FBXW4: variants seen among roughly 807,000 people sequenced by gnomAD.
FBXW4 encodes F-box/WD repeat-containing protein 4.
A neutral mutation model predicts 61.8 loss-of-function variants in FBXW4; 40 were observed. The observed-to-expected ratio is 0.65, with a 90% CI of 0.50 to 0.84. The LOEUF (loss-of-function observed/expected upper bound fraction) is 0.84. FBXW4 is among the 40% of genes least tolerant of loss of function. The pLI is 0.00. For synonymous variants in FBXW4, 311 were observed against 313.8 expected (o/e 0.99, Z 0.10); for missense variants, 672 against 753.8 (o/e 0.89, Z 1.27).
At chr10:101,681,354 C>CTCCA (rs2064472490) in intron 1 of FBXW4, among the ~76,000 whole-genome samples, 1 of 149,728 alleles carries the variant, frequency 6.7e-6, no homozygotes, top group Non-Finnish European at 1.5e-5. Context: ...CACCATTGCA[C>CTCCA]TCCAGCCTGG....
At chr10:101,682,366 G>A (rs2064487405) in intron 1 of FBXW4, among the ~76,000 whole-genome samples, 1 of 151,978 alleles carries the variant, frequency 6.6e-6, no homozygotes, top group South Asian at 2.1e-4. Context: ...GACTACTGCT[G>A]AGGACAGTAA....
At chr10:101,674,962 C>G (rs925768611) in intron 2 of FBXW4, among the ~76,000 whole-genome samples, 6 of 152,210 alleles carry the variant, frequency 3.9e-5, no homozygotes, top group Non-Finnish European at 5.9e-5. Context: ...AGCACAGGGA[C>G]AGCTGACTCA....
At chr10:101,640,010 C>T (rs950240078) in intron 5 of FBXW4, among the ~76,000 whole-genome samples, 1 of 152,210 alleles carries the variant, frequency 6.6e-6, no homozygotes, top group African/African-American at 2.4e-5. Flanking sequence ...CTCGGCTTCT[C>T]ACCCAACTGA....
At chr10:101,629,718 C>T (rs957155540) in intron 5 of FBXW4, among the ~76,000 whole-genome samples, 6 of 151,774 alleles carry the variant, frequency 4.0e-5, no homozygotes, top group Non-Finnish European at 7.4e-5. Context: ...AGTTATTATA[C>T]CACCCCTCGC....
In FBXW4 at chr10:101,694,844, C is replaced by G; in HGVS notation, c.262G>C (p.Gly88Arg). Residue 88 changes from glycine to arginine, a missense_variant, in exon 1 of 9, where the codon GGC becomes CGC. By Grantham distance (125) the Gly-to-Arg change is moderately radical. Transcript: ENST00000331272. The surrounding 1 kb of genome is among the most constrained non-coding windows in gnomAD (Gnocchi z 6.0). Reference sequence around the variant, plus strand: ...CTCGCCCCTTCCTCCACGCTTCTGCCTCCCTCTGCTTCCTCCCTTGGGCAT... The same window carrying G: ...CTCGCCCCTTCCTCCACGCTTCTGCGTCCCTCTGCTTCCTCCCTTGGGCAT... ...RACPREEAEG[G>R]RSVEEGARGI... 7.0e-6 allele frequency: 9 copies of G among 1,289,200 alleles called. No homozygotes were observed. Among genetic ancestry groups the G allele is most frequent in the Non-Finnish European group, 8.8e-6 (9 of 1,021,110 alleles). 79.9% of individuals were successfully genotyped at this position (1,289,200 alleles called of 1,614,324 possible). A position where few individuals can be genotyped will look rare whatever the true frequency, so the allele number is the denominator to read the frequency against.
intron 6 of FBXW4, among the ~76,000 whole-genome samples, chr10:101,615,977 T>A (rs1401178656): frequency 6.6e-6 from 1 of 152,196 alleles, no homozygotes; most frequent in Admixed American, 6.5e-5. Context: ...CAGCTCAGCA[T>A]GTCCGTGGCT....
intron 1 of FBXW4, among the ~76,000 whole-genome samples, chr10:101,682,153 T>C (rs1350254048): frequency 6.6e-6 from 1 of 152,272 alleles, no homozygotes; most frequent in Non-Finnish European, 1.5e-5. Context: ...AATGTGACTC[T>C]AATAATCATT....
At chr10:101,625,444 G>A (rs1185554766) in intron 5 of FBXW4, 1 of 152,560 alleles carries the variant, frequency 6.6e-6, no homozygotes, top group Non-Finnish European at 1.5e-5. Flanking sequence ...TCTGGAGAGT[G>A]GGATGGGAGT....
At chr10:101,622,041 T>C (rs61272692) in intron 6 of FBXW4, among the ~76,000 whole-genome samples, 1,644 of 152,214 alleles carry the variant, frequency 0.011, 24 homozygotes, top group African/African-American at 0.038. Flanking sequence ...CCCATCCCTG[T>C]TCTTGGATGA....
chr10:101,619,576 G>A (rs1002169440), intron 6 of FBXW4, among the ~76,000 whole-genome samples: 5 of 151,780 alleles, frequency 3.3e-5, no homozygotes, highest in Non-Finnish European at 7.4e-5. Flanking sequence ...GGAGGATGGC[G>A]TGAACCCGGG....
upstream of FBXW4, chr10:101,695,281 G>T (rs1204275503): frequency 2.4e-6 from 2 of 828,500 alleles, no homozygotes; most frequent in African/African-American, 3.7e-5. The surrounding 1 kb of genome is among the most constrained non-coding windows in gnomAD (Gnocchi z 4.2). Context: ...CTGGGGCCGG[G>T]GCGCTGACAC....
chr10:101,654,104 A>G (rs554229289), intron 5 of FBXW4, among the ~76,000 whole-genome samples: 1 of 138,888 alleles, frequency 7.2e-6, no homozygotes, highest in East Asian at 2.1e-4. Context: ...CCGGCGACAG[A>G]GCGAGACTCC....
chr10:101,663,636 C>CAA (rs201279739), intron 5 of FBXW4, among the ~76,000 whole-genome samples: 20 of 135,052 alleles, frequency 1.5e-4, no homozygotes, highest in African/African-American at 2.2e-4. Context: ...GACCCTGTCT[C>CAA]AAAAAAAAAA....
chr10:101,638,693 G>T (rs1181228379), intron 5 of FBXW4, among the ~76,000 whole-genome samples: 1 of 152,176 alleles, frequency 6.6e-6, no homozygotes, highest in African/African-American at 2.4e-5. Flanking sequence ...TTACCTGAAA[G>T]ATGTGTTGCA....
At chr10:101,676,277 T>C in intron 2 of FBXW4, 64 bp downstream of exon 2, 5 of 1,442,796 alleles carry the variant, frequency 3.5e-6, no homozygotes, top group Non-Finnish European at 1.9e-6. Context: ...TAGGACCAGA[T>C]TTTTTACTTT....
At chr10:101,623,000 G>A (rs1051630314) in intron 6 of FBXW4, 3 of 152,068 alleles carry the variant, frequency 2.0e-5, no homozygotes, top group East Asian at 1.9e-4. Flanking sequence ...ATGAACAGAC[G>A]TTTCGCCAAA....
intron 5 of FBXW4, among the ~76,000 whole-genome samples, chr10:101,636,395 C>CG (rs1259995582): frequency 2.9e-5 from 4 of 140,198 alleles, no homozygotes; most frequent in Non-Finnish European, 6.2e-5. Context: ...AACAAAACAA[C>CG]GGAAAAAAAA....
At chr10:101,618,228 AGAGG>A (rs2063840733) in intron 6 of FBXW4, among the ~76,000 whole-genome samples, 2 of 152,372 alleles carry the variant, frequency 1.3e-5, no homozygotes, top group Admixed American at 1.3e-4. Flanking sequence ...TTCCCAGCTC[AGAGG>A]GAGAGTTCTA....
At chr10:101,670,660 C>T (rs2064350605) in intron 4 of FBXW4, among the ~76,000 whole-genome samples, 1 of 152,162 alleles carries the variant, frequency 6.6e-6, no homozygotes, top group East Asian at 1.9e-4. Flanking sequence ...AGCCCAGGTG[C>T]CTCTGTACCA....
Sources: allele counts gnomAD v4.1 joint callset (sites outside exome capture counted in the v4.1 genomes callset), GRCh38; gene constraint gnomAD v4.1.1; non-coding constraint Gnocchi (gnomAD v3.1); transcripts MANE v1.5; gene names NCBI Gene and HGNC (gene_info 2026-07-23, HGNC 2026-07-21).